Variants in PARN observed in about 807,000 individuals in gnomAD.
PARN encodes the protein poly(A)-specific ribonuclease PARN.
PARN carries 71 observed loss-of-function variants against 102.8 expected under a neutral mutation model. The ratio of observed to expected loss-of-function variants is 0.69; its 90% CI spans 0.57 to 0.84. PARN has a LOEUF of 0.84. PARN is among the 40% of genes least tolerant of loss of function. PARN has a pLI of 0.00. For synonymous variants in PARN, 261 were observed against 252.9 expected (o/e 1.03, Z -0.30); for missense variants, 782 against 760.9 (o/e 1.03, Z -0.33).
chr16:14,606,781 ATT>A (rs373632720), intron 9 of PARN, among the ~76,000 whole-genome samples: 40 of 131,946 alleles, frequency 3.0e-4, no homozygotes, highest in Admixed American at 3.1e-4. Flanking sequence ...GGTATTTTCT[ATT>A]TTTTTTTTTT....
intron 14 of PARN, among the ~76,000 whole-genome samples, chr16:14,585,194 C>T (rs568483105): frequency 6.6e-6 from 1 of 152,186 alleles, no homozygotes; most frequent in Non-Finnish European, 1.5e-5. Context: ...CAAACTGCTA[C>T]CATCTACTCC....
chr16:14,595,778 G>A lies in PARN; in HGVS notation c.841-2400C>T, dbSNP rs375398165. Among the ~76,000 whole-genome samples the A allele has an allele frequency of 4.8e-4, 73 of 152,060 alleles. No homozygotes were observed. The South Asian group carries it at 5.2e-3, about 11-fold the overall frequency. On this transcript the variant is annotated intron_variant, in intron 12 of 23. Coordinates refer to ENST00000437198, the MANE Select transcript of PARN (RefSeq NM_002582.4). ...ACTCCTGACCTCACGTGATCTGCCCGCCTTGGCCTCTCAAAGTGCTGGGAT... is the reference window on the plus strand; with the variant it reads ...ACTCCTGACCTCACGTGATCTGCCCACCTTGGCCTCTCAAAGTGCTGGGAT...
intron 8 of PARN, 119 bp downstream of exon 8, chr16:14,608,939 C>A: frequency 1.6e-6 from 1 of 639,554 alleles, no homozygotes; most frequent in Admixed American, 3.0e-5. Context: ...TTCTTGAGAA[C>A]ATAGCAATAA....
rs754540436 is a variant in PARN, at chr16:14,482,648, G to A, written c.1660C>T (p.Arg554Cys). Residue 554 changes from arginine to cysteine, a missense_variant, in exon 22 of 24, where the codon CGC (arginine) becomes TGC (cysteine). By Grantham distance (180) the Arg-to-Cys change is radical (BLOSUM62 -3). Coordinates refer to ENST00000437198, the MANE Select transcript of PARN (RefSeq NM_002582.4). The part of the protein sequence containing the change: ...IPYTLQNHYY[R>C]NNSFTAPSTV... Reference sequence around the variant, plus strand: ...GCTGAGAGCTCTTACCTATTGTTGCGGTAATAGTGATTCTGCAGGGTGTAG... The same window carrying A: ...GCTGAGAGCTCTTACCTATTGTTGCAGTAATAGTGATTCTGCAGGGTGTAG... 36 of 1,603,190 alleles carry A rather than the reference G, an allele frequency of 2.2e-5. No homozygotes were observed. Among genetic ancestry groups the A allele is most frequent in the South Asian group, 1.4e-4 (12 of 88,590 alleles).
chr16:14,510,795 C>T (rs1244874573), intron 21 of PARN, among the ~76,000 whole-genome samples: 1 of 152,144 alleles, frequency 6.6e-6, no homozygotes, highest in Non-Finnish European at 1.5e-5. Flanking sequence ...TTTGACTTTG[C>T]CATGCAGGCA....
Position 14,435,939 on chromosome 16 carries a change from C to CACACAG in PARN, c.*772_*777dup, listed in dbSNP as rs1469652820. On this transcript the variant is annotated 3_prime_UTR_variant, in exon 24 of 24. Coordinates refer to ENST00000437198, the MANE Select transcript of PARN (RefSeq NM_002582.4). The stretch of plus-strand genomic sequence containing the variant: ...ACACACACACACACACACACACACA[C>CACACAG]ACACAGACACGTACGCACACACGCT... 2 of 146,090 alleles carry CACACAG rather than the reference C, an allele frequency of 1.4e-5. No individual in the cohort carries two copies. The highest frequency in any genetic ancestry group is 4.3e-4 in the South Asian group (2 of 4,622). The allele number at this position is 146,090 out of a possible 1,614,324, so 9.0% of individuals were successfully genotyped here. A position where few individuals can be genotyped will look rare whatever the true frequency, so the allele number is the denominator to read the frequency against.
chr16:14,547,017 T>C (rs1237102830), intron 21 of PARN, among the ~76,000 whole-genome samples: 3 of 150,226 alleles, frequency 2.0e-5, no homozygotes, highest in Non-Finnish European at 1.5e-5. Context: ...TGCTTGAACC[T>C]AGGAGGCAGA....
chr16:14,562,066 C>T (rs994259501), intron 18 of PARN, among the ~76,000 whole-genome samples: 2 of 152,106 alleles, frequency 1.3e-5, no homozygotes, highest in East Asian at 1.9e-4. Flanking sequence ...GCAGGAGAAT[C>T]GCTTAAACCT....
At position 14,446,970 on chromosome 16, in the gene PARN, G is replaced by C. The variant is rs187555579; in HGVS notation, c.1782C>G (p.Thr594=). The C allele has an allele frequency of 1.2e-6, 2 of 1,613,528 alleles. No individual in the cohort carries two copies. The highest frequency in any genetic ancestry group is 3.3e-5 in the Admixed American group (2 of 60,006). Residue 594 remains threonine, a synonymous_variant, in exon 23 of 24, where the codon ACC becomes ACG. Transcript: ENST00000437198. ...CTGAGAGGGGCTCTGCACAGGAATCGGTCTGCTCAAGCTCAGTGTCGGAAA... is the reference window on the plus strand; with the variant it reads ...CTGAGAGGGGCTCTGCACAGGAATCCGTCTGCTCAAGCTCAGTGTCGGAAA... The part of the protein sequence containing the change: ...GEISDTELEQ[T]DSCAEPLSEG...
At chr16:14,607,725 G>T (rs901190618) in intron 9 of PARN, among the ~76,000 whole-genome samples, 3 of 152,140 alleles carry the variant, frequency 2.0e-5, no homozygotes, top group African/African-American at 7.2e-5. Context: ...CAGTATACAT[G>T]TCACTGGTAG....
chr16:14,541,651 T>C (rs945359892), intron 21 of PARN, among the ~76,000 whole-genome samples: 1 of 151,914 alleles, frequency 6.6e-6, no homozygotes, highest in Admixed American at 6.6e-5. Flanking sequence ...AATTTTTCTA[T>C]TTTTTAGTAG....
intron 2 of PARN, among the ~76,000 whole-genome samples, chr16:14,628,475 T>G (rs749133570): frequency 3.3e-5 from 5 of 152,208 alleles, no homozygotes; most frequent in Admixed American, 6.5e-5. Flanking sequence ...GAATAGGCAG[T>G]TCCAGCGTCT....
intron 22 of PARN, among the ~76,000 whole-genome samples, chr16:14,460,511 G>C (rs1280220748): frequency 2.6e-5 from 4 of 152,090 alleles, no homozygotes; most frequent in Admixed American, 2.6e-4. Flanking sequence ...CTTCCAAAGG[G>C]TTGTCCTTTG....
chr16:14,599,295 G>A (rs908333357), intron 12 of PARN, among the ~76,000 whole-genome samples: 1 of 151,960 alleles, frequency 6.6e-6, no homozygotes, highest in African/African-American at 2.4e-5. Flanking sequence ...CATCCTTATC[G>A]GCCTCCCGAA....
chr16:14,575,904 C>A (rs1430409817), intron 18 of PARN, among the ~76,000 whole-genome samples: 7 of 152,124 alleles, frequency 4.6e-5, no homozygotes, highest in Admixed American at 2.6e-4. Flanking sequence ...GTCTTTCCTG[C>A]ACTGTTCTCG....
intron 22 of PARN, among the ~76,000 whole-genome samples, chr16:14,461,139 C>T (rs2151572724): frequency 6.6e-6 from 1 of 152,250 alleles, no homozygotes. Flanking sequence ...CATAGATTAG[C>T]TGGCCAATTT....
Position 14,617,584 on chromosome 16 carries a change from T to C in PARN, c.388+6A>G. ...AGCTCTAAAGATAGGTTACCCATAATCTTACCATTTCGAAAAACTTTATTA... is the reference window on the plus strand; with the variant it reads ...AGCTCTAAAGATAGGTTACCCATAACCTTACCATTTCGAAAAACTTTATTA... On this transcript the variant is annotated splice_donor_region_variant and intron_variant, in intron 6 of 23. Transcript: ENST00000437198. 2 of 1,421,562 alleles carry C rather than the reference T, an allele frequency of 1.4e-6. No homozygotes were observed. Among genetic ancestry groups the C allele is most frequent in the Non-Finnish European group, 2.0e-6 (2 of 1,004,370 alleles). The allele number at this position is 1,421,562 out of a possible 1,614,324, so 88.1% of individuals were successfully genotyped here. A position where few individuals can be genotyped will look rare whatever the true frequency, so the allele number is the denominator to read the frequency against.
At chr16:14,560,122 A>T (rs1327922909) in intron 18 of PARN, among the ~76,000 whole-genome samples, 1 of 152,232 alleles carries the variant, frequency 6.6e-6, no homozygotes, top group Non-Finnish European at 1.5e-5. Context: ...TGATTTGATA[A>T]AATACTTCAC....
chr16:14,546,764 T>C (rs1009235392), intron 21 of PARN, among the ~76,000 whole-genome samples: 1 of 152,130 alleles, frequency 6.6e-6, no homozygotes, highest in African/African-American at 2.4e-5. Flanking sequence ...ATTAGAAATA[T>C]AAAAATCCAA....
Sources: gnomAD v4.1 joint callset for allele counts (sites outside exome capture counted in the v4.1 genomes callset) on GRCh38, gnomAD v4.1.1 for gene constraint, MANE v1.5 for transcripts, NCBI Gene and HGNC (gene_info 2026-07-23, HGNC 2026-07-21) for gene names.